Variants in JAK2 observed in about 807,000 individuals in gnomAD.
The protein encoded by JAK2 is Janus kinase 2.
A neutral mutation model predicts 139.3 loss-of-function variants in JAK2; 86 were observed. The ratio of observed to expected loss-of-function variants is 0.62; its 90% CI spans 0.52 to 0.74. The LOEUF (loss-of-function observed/expected upper bound fraction) is 0.74. JAK2 is among the 30% of genes least tolerant of loss of function. The pLI, the probability that JAK2 is intolerant of heterozygous loss-of-function variation, is 0.00. For missense variants in JAK2, 1,421 were observed against 1,360.3 expected (o/e 1.04, Z -0.70); for synonymous variants, 490 against 437.7 (o/e 1.12, Z -1.49).
chr9:5,093,654 C>G (rs111264962), intron 22 of JAK2, among the ~76,000 whole-genome samples: 128 of 152,200 alleles, frequency 8.4e-4, no homozygotes, highest in African/African-American at 2.9e-3. Context: ...TCCGAACAAC[C>G]TAAACTAAGA....
intron 14 of JAK2, among the ~76,000 whole-genome samples, chr9:5,074,206 A>G (rs1471447606): frequency 6.6e-6 from 1 of 152,124 alleles, no homozygotes; most frequent in East Asian, 1.9e-4. Flanking sequence ...ATGATACTAG[A>G]TATATTTTTT....
At chr9:5,042,814 C>T (rs1816699380) in intron 4 of JAK2, among the ~76,000 whole-genome samples, 2 of 152,184 alleles carry the variant, frequency 1.3e-5, no homozygotes, top group Non-Finnish European at 2.9e-5. Flanking sequence ...GGTGGGGCCG[C>T]GGCTGAAGCC....
intron 18 of JAK2, among the ~76,000 whole-genome samples, chr9:5,081,098 T>A (rs529477599): frequency 1.3e-5 from 2 of 151,904 alleles, no homozygotes; most frequent in Non-Finnish European, 2.9e-5. Context: ...GGTTTCACCG[T>A]GTTAGCCAGG....
intron 22 of JAK2, chr9:5,114,691 TG>T: frequency 2.4e-6 from 1 of 418,092 alleles, no homozygotes; most frequent in South Asian, 1.9e-5. Flanking sequence ...TTCAGCTGCC[TG>T]GAGGTTACCA....
At chr9:5,014,083 A>G (rs1179361743) in intron 2 of JAK2, among the ~76,000 whole-genome samples, 1 of 152,116 alleles carries the variant, frequency 6.6e-6, no homozygotes, top group African/African-American at 2.4e-5. Context: ...ATGAACTTTT[A>G]AAATGTGATA....
chr9:5,045,291 C>A (rs747392333), intron 5 of JAK2, among the ~76,000 whole-genome samples: 29 of 152,232 alleles, frequency 1.9e-4, no homozygotes, highest in Non-Finnish European at 3.7e-4. Flanking sequence ...GCCCACAGAT[C>A]CTCATGGCTC....
intron 22 of JAK2, among the ~76,000 whole-genome samples, chr9:5,119,990 T>C (rs1048442979): frequency 6.6e-6 from 1 of 152,208 alleles, no homozygotes; most frequent in Non-Finnish European, 1.5e-5. Flanking sequence ...ACTGTCTTAG[T>C]CCCTTTATGC....
At chr9:5,095,856 A>G (rs186527287) in intron 22 of JAK2, among the ~76,000 whole-genome samples, 1 of 152,308 alleles carries the variant, frequency 6.6e-6, no homozygotes, top group Admixed American at 6.5e-5. Context: ...ACCTTATTTT[A>G]ACAACTACCA....
intron 2 of JAK2, among the ~76,000 whole-genome samples, chr9:5,014,219 G>T (rs1347337502): frequency 6.8e-6 from 1 of 147,712 alleles, no homozygotes; most frequent in Non-Finnish European, 1.5e-5. Flanking sequence ...GCCCAGGCTG[G>T]ACTTGAACTC....
chr9:5,059,570 T>G (rs1818012991), intron 8 of JAK2, among the ~76,000 whole-genome samples: 1 of 152,188 alleles, frequency 6.6e-6, no homozygotes, highest in African/African-American at 2.4e-5. Context: ...TTTTTGTATA[T>G]ATATATCCTA....
chr9:5,003,994 G>A (rs1821100809), intron 2 of JAK2, among the ~76,000 whole-genome samples: 1 of 151,902 alleles, frequency 6.6e-6, no homozygotes. Flanking sequence ...AAAATATATT[G>A]ACTATTTAAA....
intron 19 of JAK2, among the ~76,000 whole-genome samples, chr9:5,088,160 C>T (rs556668004): frequency 1.3e-4 from 19 of 151,986 alleles, no homozygotes; most frequent in South Asian, 2.1e-4. Flanking sequence ...CTGAATTGTC[C>T]GCGGTCACAG....
At chr9:5,006,740 C>G (rs182999015) in intron 2 of JAK2, among the ~76,000 whole-genome samples, 10 of 152,188 alleles carry the variant, frequency 6.6e-5, no homozygotes, top group Non-Finnish European at 1.2e-4. Context: ...TCCCATGACC[C>G]AGTCACCTCT....
At chr9:5,066,927 C>T (rs1008421273) in intron 10 of JAK2, 138 bp downstream of exon 10, 1 of 384,578 alleles carries the variant, frequency 2.6e-6, no homozygotes. Context: ...GCTTAATTTC[C>T]TCAGAGATTC....
At chr9:5,031,875 C>T (rs988555529) in intron 4 of JAK2, among the ~76,000 whole-genome samples, 9 of 152,176 alleles carry the variant, frequency 5.9e-5, no homozygotes, top group Non-Finnish European at 1.2e-4. Flanking sequence ...CTGAGGTGTA[C>T]CGGGTTCGTC....
chr9:5,102,948 T>A (rs1184232091), intron 22 of JAK2, among the ~76,000 whole-genome samples: 1 of 151,818 alleles, frequency 6.6e-6, no homozygotes, highest in Non-Finnish European at 1.5e-5. Context: ...ACATACCAAA[T>A]TGTAAAGACC....
intron 22 of JAK2, chr9:5,112,757 A>G (rs1465773647): frequency 1.1e-5 from 7 of 652,716 alleles, no homozygotes; most frequent in African/African-American, 1.8e-5. Context: ...GCGAGAAGAG[A>G]AGGTGTCGCG....
intron 2 of JAK2, among the ~76,000 whole-genome samples, chr9:5,002,808 T>G (rs1821003153): frequency 6.6e-6 from 1 of 152,000 alleles, no homozygotes. Context: ...GCATATATAT[T>G]TAAGAAGAGT....
At chr9:4,989,045 A>T (rs1222723908) in intron 2 of JAK2, among the ~76,000 whole-genome samples, 1 of 152,146 alleles carries the variant, frequency 6.6e-6, no homozygotes, top group African/African-American at 2.4e-5. Flanking sequence ...GTTTATCCTC[A>T]ATAGAGATTC....
Sources: allele counts gnomAD v4.1 joint callset (sites outside exome capture counted in the v4.1 genomes callset), GRCh38; gene constraint gnomAD v4.1.1; transcripts MANE v1.5; gene names NCBI Gene and HGNC (gene_info 2026-07-23, HGNC 2026-07-21).